The following MCTP1 variants were observed in gnomAD, a reference collection of about 807,000 sequenced individuals.
MCTP1 encodes multiple C2 and transmembrane domain-containing protein 1.
MCTP1 carries 69 observed loss-of-function variants against 120.6 expected under a neutral mutation model. The ratio of observed to expected loss-of-function variants is 0.57; its 90% confidence interval spans 0.47 to 0.70. The LOEUF (loss-of-function observed/expected upper bound fraction) is 0.70. Among genes scored for constraint, MCTP1 ranks in the 30% least tolerant of loss-of-function variants. MCTP1 has a pLI of 0.00. For synonymous variants in MCTP1, 529 were observed against 493.1 expected (o/e 1.07, Z -0.96); for missense variants, 1,203 against 1,248.8 (o/e 0.96, Z 0.55).
At chr5:95,077,450 G>A (rs1210314469) in intron 1 of MCTP1, among the ~76,000 whole-genome samples, 1 of 151,740 alleles carries the variant, frequency 6.6e-6, no homozygotes, top group Non-Finnish European at 1.5e-5. Flanking sequence ...AATCAAGGAA[G>A]TAAGCAATTA....
chr5:95,248,279 G>A (rs548672862), intron 1 of MCTP1, among the ~76,000 whole-genome samples: 55 of 152,186 alleles, frequency 3.6e-4, no homozygotes, highest in African/African-American at 1.1e-3. Context: ...AAACCCCATC[G>A]TCTCAGCCCA....
intron 1 of MCTP1, among the ~76,000 whole-genome samples, chr5:95,044,666 C>A (rs1298871779): frequency 1.3e-5 from 2 of 152,036 alleles, no homozygotes; most frequent in Non-Finnish European, 2.9e-5. Flanking sequence ...TTAACCCAGG[C>A]AAAGCATTCC....
intron 2 of MCTP1, among the ~76,000 whole-genome samples, chr5:94,960,458 G>T (rs1414831277): frequency 6.6e-6 from 1 of 152,110 alleles, no homozygotes; most frequent in Non-Finnish European, 1.5e-5. Context: ...CACAGCAAAA[G>T]AAACTATCAT....
chr5:95,124,774 C>T (rs917059237), intron 1 of MCTP1, among the ~76,000 whole-genome samples: 1 of 152,172 alleles, frequency 6.6e-6, no homozygotes, highest in Admixed American at 6.5e-5. Context: ...CCGCTTAGTC[C>T]AAATTATTCA....
intron 1 of MCTP1, among the ~76,000 whole-genome samples, chr5:95,130,519 A>G (rs1758967103): frequency 6.6e-6 from 1 of 152,206 alleles, no homozygotes; most frequent in Non-Finnish European, 1.5e-5. Context: ...TTTTCAGTGT[A>G]TTAGTTTGCT....
chr5:94,743,141 T>TA (rs11327016), intron 19 of MCTP1, among the ~76,000 whole-genome samples: 200 of 138,880 alleles, frequency 1.4e-3, no homozygotes, highest in South Asian at 2.7e-3. Flanking sequence ...TAACCCAATG[T>TA]AAAAAAAAAA....
intron 2 of MCTP1, among the ~76,000 whole-genome samples, chr5:94,991,390 A>G (rs1271103123): frequency 6.6e-6 from 1 of 152,206 alleles, no homozygotes; most frequent in Non-Finnish European, 1.5e-5. Flanking sequence ...ATTGAATCAG[A>G]GCAGTGAAAC....
intron 1 of MCTP1, among the ~76,000 whole-genome samples, chr5:95,186,265 A>G (rs1749197658): frequency 7.1e-6 from 1 of 141,682 alleles, no homozygotes; most frequent in Non-Finnish European, 1.6e-5. Flanking sequence ...ATCTACCAAA[A>G]AAAAAAGAAA....
chr5:94,781,116 T>C (rs1179075946), intron 18 of MCTP1, among the ~76,000 whole-genome samples: 1 of 132,188 alleles, frequency 7.6e-6, no homozygotes, highest in Non-Finnish European at 1.6e-5. Flanking sequence ...AATTATCTTT[T>C]AGATTTAAAT....
chr5:95,229,893 G>C (rs189579967), intron 1 of MCTP1, among the ~76,000 whole-genome samples: 5 of 152,080 alleles, frequency 3.3e-5, no homozygotes, highest in African/African-American at 1.2e-4. Context: ...TCTCAAGAGG[G>C]GACTGGAAAA....
chr5:95,160,419 C>T (rs780454616), intron 1 of MCTP1, among the ~76,000 whole-genome samples: 5 of 152,168 alleles, frequency 3.3e-5, no homozygotes, highest in African/African-American at 4.8e-5. Flanking sequence ...GTAATAATAG[C>T]TAACATTAAT....
chr5:95,091,777 A>G (rs992113495), intron 1 of MCTP1, among the ~76,000 whole-genome samples: 1 of 152,252 alleles, frequency 6.6e-6, no homozygotes, highest in Non-Finnish European at 1.5e-5. Context: ...GATTTTGAAT[A>G]AAATAAAATG....
At chr5:94,750,663 T>A (rs10062248) in intron 19 of MCTP1, among the ~76,000 whole-genome samples, 36,810 of 152,104 alleles carry the variant, frequency 0.24, 4,784 homozygotes, top group Non-Finnish European at 0.28. Flanking sequence ...AGATGTGGCA[T>A]GAAGTCCCCT....
intron 19 of MCTP1, among the ~76,000 whole-genome samples, chr5:94,729,003 A>T (rs1762632072): frequency 1.3e-5 from 2 of 152,260 alleles, no homozygotes; most frequent in African/African-American, 4.8e-5. Context: ...AAGCAAATAC[A>T]TGGATAAACA....
chr5:94,983,890 G>A (rs1264361259), intron 2 of MCTP1, among the ~76,000 whole-genome samples: 1 of 152,172 alleles, frequency 6.6e-6, no homozygotes, highest in Admixed American at 6.6e-5. Context: ...CTCTATGATG[G>A]AAGAAGGGGC....
At chr5:95,044,741 C>T (rs184313310) in intron 1 of MCTP1, among the ~76,000 whole-genome samples, 1 of 152,022 alleles carries the variant, frequency 6.6e-6, no homozygotes, top group African/African-American at 2.4e-5. Flanking sequence ...TCATGAGACC[C>T]ATCAGAAGTG....
chr5:94,876,094 T>C (rs566537619), intron 12 of MCTP1, among the ~76,000 whole-genome samples: 63 of 152,272 alleles, frequency 4.1e-4, no homozygotes, highest in African/African-American at 1.4e-3. Flanking sequence ...GCATGGACTA[T>C]AGTTGTATTT....
intron 20 of MCTP1, among the ~76,000 whole-genome samples, chr5:94,713,372 C>G (rs1757803973): frequency 6.6e-6 from 1 of 152,136 alleles, no homozygotes; most frequent in African/African-American, 2.4e-5. Flanking sequence ...TCATATCCCT[C>G]AGCTAGTCAT....
chr5:94,721,334 T>C (rs1170994855), intron 19 of MCTP1, among the ~76,000 whole-genome samples: 1 of 152,172 alleles, frequency 6.6e-6, no homozygotes, highest in East Asian at 1.9e-4. Context: ...ACTTGAGGCA[T>C]CTGTGAAGAA....
Sources: allele counts gnomAD v4.1 joint callset (sites outside exome capture counted in the v4.1 genomes callset), GRCh38; gene constraint gnomAD v4.1.1; transcripts MANE v1.5; gene names NCBI Gene and HGNC (gene_info 2026-07-23, HGNC 2026-07-21).